FNDC1: variants seen among roughly 807,000 people sequenced by gnomAD.
FNDC1 encodes the protein fibronectin type III domain-containing protein 1.
Under a neutral mutation model 168.0 loss-of-function variants are expected in FNDC1, and 96 were observed. That is an observed-to-expected ratio of 0.57 (90% CI 0.48 to 0.68). The LOEUF is 0.68. Among genes scored for constraint, FNDC1 ranks in the 30% least tolerant of loss-of-function variants. The pLI is 0.00. For synonymous variants in FNDC1, 1,099 were observed against 1,025.9 expected (o/e 1.07, Z -1.36); for missense variants, 2,587 against 2,482.1 (o/e 1.04, Z -0.90).
chr6:159,268,836 CTAT>C (rs1777647658), intron 22 of FNDC1, among the ~76,000 whole-genome samples: 1 of 23,510 alleles, frequency 4.3e-5, no homozygotes, highest in Non-Finnish European at 1.9e-4. Flanking sequence ...ATCTATCTAT[CTAT>C]CTATCTATCT....
At chr6:159,216,801 C>T (rs1448954275) in intron 5 of FNDC1, among the ~76,000 whole-genome samples, 2 of 152,228 alleles carry the variant, frequency 1.3e-5, no homozygotes, top group Non-Finnish European at 2.9e-5. Context: ...GGCTTTCAGC[C>T]CCCACAAATG....
At chr6:159,224,451 T>A (rs1414873044) in intron 7 of FNDC1, among the ~76,000 whole-genome samples, 1 of 152,208 alleles carries the variant, frequency 6.6e-6, no homozygotes, top group East Asian at 1.9e-4. Flanking sequence ...GGGAATATAG[T>A]TTAAAACGAA....
chr6:159,210,980 C>T (rs12199984), intron 4 of FNDC1, among the ~76,000 whole-genome samples: 17,157 of 152,158 alleles, frequency 0.11, 1,062 homozygotes, highest in Non-Finnish European at 0.13. Context: ...GAAAACACAC[C>T]CTGGCCAGGT....
chr6:159,264,336 A>G (rs1027338319), intron 19 of FNDC1, among the ~76,000 whole-genome samples: 1 of 152,244 alleles, frequency 6.6e-6, no homozygotes, highest in African/African-American at 2.4e-5. Flanking sequence ...AGACTCATAC[A>G]GTATGAACTC....
chr6:159,203,496 A>T (rs747902308), intron 4 of FNDC1, among the ~76,000 whole-genome samples: 1 of 152,138 alleles, frequency 6.6e-6, no homozygotes, highest in Non-Finnish European at 1.5e-5. Flanking sequence ...ACCTCTCAGC[A>T]CTCAGGAAAT....
intron 1 of FNDC1, among the ~76,000 whole-genome samples, chr6:159,183,969 TAA>T (rs1329967707): frequency 6.6e-6 from 1 of 152,244 alleles, no homozygotes; most frequent in Non-Finnish European, 1.5e-5. Context: ...TTATTGCTTT[TAA>T]TTATAATTAC....
intron 1 of FNDC1, among the ~76,000 whole-genome samples, chr6:159,180,097 T>C (rs949457072): frequency 6.6e-6 from 1 of 152,144 alleles, no homozygotes; most frequent in Non-Finnish European, 1.5e-5. Flanking sequence ...AGAAATGTAT[T>C]ATCTTGCAGC....
chr6:159,265,019 T>G lies in FNDC1; in HGVS notation c.5284+15T>G. The G allele has an allele frequency of 6.3e-7, 1 of 1,598,248 alleles. No homozygotes were observed. Among genetic ancestry groups the G allele is most frequent in the Non-Finnish European group, 8.6e-7 (1 of 1,169,088 alleles). ...GAGGCCCCCAGGTAAGTTTATGTTC[T>G]TGATAATCTGGACATTCTGGTAATC... is the stretch of plus-strand genomic sequence containing the variant. On this transcript the variant is annotated intron_variant, in intron 20 of 22. Transcript: ENST00000297267.
At chr6:159,242,060 A>G (rs1455182008) in intron 14 of FNDC1, among the ~76,000 whole-genome samples, 1 of 152,220 alleles carries the variant, frequency 6.6e-6, no homozygotes, top group African/African-American at 2.4e-5. Context: ...ACTATTCACA[A>G]TAGCAAAGAG....
chr6:159,190,399 A>G (rs1782110101), intron 1 of FNDC1, among the ~76,000 whole-genome samples: 1 of 152,240 alleles, frequency 6.6e-6, no homozygotes, highest in Admixed American at 6.5e-5. Flanking sequence ...TAGAAGCCCC[A>G]GGCATGAGTG....
intron 1 of FNDC1, among the ~76,000 whole-genome samples, chr6:159,186,435 G>T (rs988752763): frequency 6.6e-6 from 1 of 152,290 alleles, no homozygotes; most frequent in East Asian, 1.9e-4. Flanking sequence ...TGCCCTCATC[G>T]TGCAATGGTG....
intron 1 of FNDC1, among the ~76,000 whole-genome samples, chr6:159,175,511 A>G (rs1399313824): frequency 6.6e-6 from 1 of 152,190 alleles, no homozygotes; most frequent in East Asian, 1.9e-4. Flanking sequence ...ATCTGCTCAG[A>G]ATGCCTTCCT....
chr6:159,186,441 T>C (rs947209801), intron 1 of FNDC1, among the ~76,000 whole-genome samples: 28 of 152,192 alleles, frequency 1.8e-4, no homozygotes, highest in Admixed American at 1.8e-3. Context: ...CATCGTGCAA[T>C]GGTGCAGGTG....
At chr6:159,179,151 C>A (rs936052190) in intron 1 of FNDC1, among the ~76,000 whole-genome samples, 1 of 152,232 alleles carries the variant, frequency 6.6e-6, no homozygotes, top group Non-Finnish European at 1.5e-5. Context: ...GCCTGAGCAA[C>A]CTTCCATGAA....
intron 22 of FNDC1, among the ~76,000 whole-genome samples, chr6:159,268,250 C>A (rs928257143): frequency 1.3e-5 from 2 of 151,946 alleles, no homozygotes; most frequent in Non-Finnish European, 2.9e-5. Context: ...AAGGTGAAGA[C>A]AAAATACACT....
At chr6:159,214,141 A>G (rs1782664745) in intron 4 of FNDC1, among the ~76,000 whole-genome samples, 1 of 152,208 alleles carries the variant, frequency 6.6e-6, no homozygotes, top group African/African-American at 2.4e-5. Context: ...GAGGGCTTAC[A>G]ATGTGGTTAG....
At position 159,264,964 on chromosome 6, in the gene FNDC1, T is replaced by C; in HGVS notation, c.5255-11T>C. The stretch of plus-strand genomic sequence containing the variant: ...TGGCACAGAGTCCATTATTTCTTTT[T>C]CATTCTACAGATAATCCTCTGCTTG... On this transcript the variant is annotated splice_polypyrimidine_tract_variant and intron_variant, in intron 19 of 22. Transcript: ENST00000297267. The C allele has an allele frequency of 6.2e-7, 1 of 1,600,232 alleles. No individual in the cohort carries two copies. Among genetic ancestry groups the C allele is most frequent in the Middle Eastern group, 1.7e-4 (1 of 6,026 alleles).
chr6:159,204,321 A>G (rs1386865769), intron 4 of FNDC1, among the ~76,000 whole-genome samples: 2 of 152,104 alleles, frequency 1.3e-5, no homozygotes, highest in South Asian at 2.1e-4. Flanking sequence ...CCCATTTGAT[A>G]TTCTCACCTC....
intron 4 of FNDC1, among the ~76,000 whole-genome samples, chr6:159,209,058 G>C (rs2114960167): frequency 6.6e-6 from 1 of 152,156 alleles, no homozygotes; most frequent in South Asian, 2.1e-4. Context: ...TGTTGGTCAG[G>C]CTGGTCCCGA....
Sources: allele counts gnomAD v4.1 joint callset (sites outside exome capture counted in the v4.1 genomes callset), GRCh38; gene constraint gnomAD v4.1.1; transcripts MANE v1.5; gene names NCBI Gene and HGNC (gene_info 2026-07-23, HGNC 2026-07-21).